Variants in CDS1 observed in about 807,000 individuals in gnomAD.
CDS1 encodes phosphatidate cytidylyltransferase 1.
CDS1 carries 41 observed loss-of-function variants against 62.1 expected under a neutral mutation model. That is an observed-to-expected ratio of 0.66 (90% CI 0.51 to 0.86). The LOEUF is 0.86. Ranked by LOEUF, CDS1 falls within the 40% of genes least tolerant of loss-of-function variation. The pLI, the probability that CDS1 is intolerant of heterozygous loss-of-function variation, is 0.00. For missense variants in CDS1, 470 were observed against 550.1 expected (o/e 0.85, Z 1.46); for synonymous variants, 185 against 192.6 (o/e 0.96, Z 0.32).
Position 84,617,679 on chromosome 4 carries a change from T to C in CDS1, c.440+18T>C, listed in dbSNP as rs1355460566. 1 of 1,187,148 alleles carries C rather than the reference T, an allele frequency of 8.4e-7. No individual in the cohort carries two copies. The highest frequency in any genetic ancestry group is 1.2e-6 in the Non-Finnish European group (1 of 816,638). The allele number at this position is 1,187,148 out of a possible 1,614,324, so 73.5% of individuals were successfully genotyped here. The stretch of plus-strand genomic sequence containing the variant: ...CTAAGTTGGTAAGTAAGCTTGAAAC[T>C]ATTTCAGATATGAAAAGTTAATTTC... On this transcript the variant is annotated intron_variant, in intron 4 of 12. Coordinates refer to ENST00000295887, the MANE Select transcript of CDS1 (RefSeq NM_001263.4).
chr4:84,638,444 G>A (rs891876995), intron 8 of CDS1, among the ~76,000 whole-genome samples: 2 of 152,124 alleles, frequency 1.3e-5, no homozygotes, highest in Non-Finnish European at 2.9e-5. Flanking sequence ...AGGAATATGT[G>A]AAAATTATAT....
intron 1 of CDS1, among the ~76,000 whole-genome samples, chr4:84,586,948 C>T (rs1268047130): frequency 1.3e-5 from 2 of 152,048 alleles, no homozygotes; most frequent in Non-Finnish European, 2.9e-5. Context: ...ATGTTGAAGA[C>T]AATGGGTAGG....
chr4:84,610,013 A>G (rs942276814), intron 3 of CDS1, among the ~76,000 whole-genome samples: 4 of 150,018 alleles, frequency 2.7e-5, no homozygotes, highest in African/African-American at 9.8e-5. Context: ...GACCATCTCA[A>G]AAAAAAAAAA....
rs1723244279 is a variant in CDS1, at chr4:84,609,397, CGTTAAATACTAACTTT to C, written c.246-31_246-16del. On this transcript the variant is annotated splice_polypyrimidine_tract_variant and intron_variant, in intron 2 of 12. Transcript: ENST00000295887. ...AACCACACAAAAAACCTTAAGAACA[CGTTAAATACTAACTTT>C]ACATTTTCTTTGTAGGTGGAAAAAC... is the stretch of plus-strand genomic sequence containing the variant. 7.3e-7 allele frequency: 1 copy of C among 1,366,870 alleles called. No homozygotes were observed. Among genetic ancestry groups the C allele is most frequent in the African/African-American group, 1.4e-5 (1 of 69,844 alleles). The allele number at this position is 1,366,870 out of a possible 1,614,324, so 84.7% of individuals were successfully genotyped here. A position where few individuals can be genotyped will look rare whatever the true frequency, so the allele number is the denominator to read the frequency against.
chr4:84,609,426 T>C lies in CDS1; in HGVS notation c.246-3T>C, dbSNP rs1411518105. The C allele has an allele frequency of 3.8e-6, 6 of 1,582,242 alleles. No homozygotes were observed. The highest frequency in any genetic ancestry group is 5.2e-6 in the Non-Finnish European group (6 of 1,152,304). On this transcript the variant is annotated splice_region_variant and splice_polypyrimidine_tract_variant and intron_variant, in intron 2 of 12. Transcript: ENST00000295887. ...AAATACTAACTTTACATTTTCTTTG[T>C]AGGTGGAAAAACTGGTGGATACGTG...
chr4:84,612,136 C>T (rs1197386706), intron 3 of CDS1, among the ~76,000 whole-genome samples: 12 of 151,222 alleles, frequency 7.9e-5, no homozygotes, highest in Non-Finnish European at 1.8e-4. Context: ...GACCTTTGCT[C>T]ACGGTGCTTC....
chr4:84,587,464 T>C (rs1473967109), intron 1 of CDS1, among the ~76,000 whole-genome samples: 2 of 152,140 alleles, frequency 1.3e-5, no homozygotes, highest in Non-Finnish European at 2.9e-5. Context: ...ATGGGAGTGA[T>C]TTAGGCCTGG....
At position 84,625,924 on chromosome 4, in the gene CDS1, T is replaced by C. The variant is rs1224921242; in HGVS notation, c.581-5895T>C. On this transcript the variant is annotated intron_variant, in intron 5 of 12. Transcript: ENST00000295887. ...GGCTCATGCCTGTAATCCTAGCACT[T>C]TGGGAGGCTGAGGTGGGTGGATCAC... Among the ~76,000 whole-genome samples, 3 of 151,934 alleles carry C rather than the reference T, an allele frequency of 2.0e-5. No individual in the cohort carries two copies. In the East Asian group the frequency reaches 5.8e-4, roughly 29 times the overall value.
intron 1 of CDS1, among the ~76,000 whole-genome samples, chr4:84,598,084 C>CCACT (rs1256768812): frequency 1.3e-5 from 2 of 150,566 alleles, no homozygotes; most frequent in Non-Finnish European, 3.0e-5. Context: ...CGAGATCGTG[C>CCACT]CACTGCACTC....
chr4:84,593,723 C>T (rs541303111), intron 1 of CDS1, among the ~76,000 whole-genome samples: 3 of 152,042 alleles, frequency 2.0e-5, no homozygotes, highest in Non-Finnish European at 2.9e-5. Context: ...AAGCTGGTCT[C>T]GAACTCCTGA....
chr4:84,591,795 G>A (rs1331776145), intron 1 of CDS1, among the ~76,000 whole-genome samples: 1 of 152,240 alleles, frequency 6.6e-6, no homozygotes, highest in South Asian at 2.1e-4. Context: ...GAAATCAGAT[G>A]TGTGGTCCTA....
chr4:84,592,616 T>G (rs1432794797), intron 1 of CDS1, among the ~76,000 whole-genome samples: 2 of 152,212 alleles, frequency 1.3e-5, no homozygotes, highest in Non-Finnish European at 2.9e-5. Flanking sequence ...TTCTCAGAAC[T>G]GTCAAGATTT....
rs775281250 is a variant in CDS1, at chr4:84,583,613, A to G, written c.117+95A>G. The G allele has an allele frequency of 7.4e-6, 5 of 678,848 alleles. No individual in the cohort carries two copies. The South Asian group carries it at 8.1e-5, about 11-fold the overall frequency. 42.1% of individuals were successfully genotyped at this position (678,848 alleles called of 1,614,324 possible). Reference sequence around the variant, plus strand: ...GCAAGGGTGGGGCCCGTCCAGCGTCAGGTGAGGCTGCACGCTGCCGGTGCA... The same window carrying G: ...GCAAGGGTGGGGCCCGTCCAGCGTCGGGTGAGGCTGCACGCTGCCGGTGCA... On this transcript the variant is annotated intron_variant, in intron 1 of 12. Transcript: ENST00000295887.
chr4:84,619,494 C>T lies in CDS1; in HGVS notation c.541C>T (p.Arg181Cys), dbSNP rs759347542. ...QREEQLQFLIRYHRFISFALY... is the reference protein window; with the variant it reads ...QREEQLQFLICYHRFISFALY... ...AGAAGAACAACTTCAGTTCCTCATT[C>T]GCTACCATAGATTTATATCATTTGC... Residue 181 changes from arginine (R) to cysteine (C), a missense_variant, in exon 5 of 13, where the codon CGC becomes TGC. Transcript: ENST00000295887. 25 of 1,603,372 alleles carry T rather than the reference C, an allele frequency of 1.6e-5. No homozygotes were observed. The highest frequency in any genetic ancestry group is 6.7e-5 in the South Asian group (6 of 89,438).
intron 11 of CDS1, among the ~76,000 whole-genome samples, chr4:84,643,597 G>A (rs1724462186): frequency 6.6e-6 from 1 of 152,220 alleles, no homozygotes; most frequent in African/African-American, 2.4e-5. Flanking sequence ...ATTAGGATGT[G>A]CAGACCATAT....
intron 3 of CDS1, among the ~76,000 whole-genome samples, chr4:84,614,149 C>G (rs1723416754): frequency 6.6e-6 from 1 of 152,116 alleles, no homozygotes; most frequent in Non-Finnish European, 1.5e-5. Flanking sequence ...CGGTGGCACA[C>G]ACCTGTAGTC....
chr4:84,593,508 T>TG (rs1028178528), intron 1 of CDS1, among the ~76,000 whole-genome samples: 7 of 150,574 alleles, frequency 4.6e-5, no homozygotes, highest in South Asian at 4.2e-4. Flanking sequence ...TTTTTTTTGT[T>TG]TTTTTTTTCT....
intron 5 of CDS1, among the ~76,000 whole-genome samples, chr4:84,623,861 G>A (rs1029035972): frequency 2.0e-5 from 3 of 152,008 alleles, no homozygotes; most frequent in African/African-American, 4.8e-5. Context: ...ACTGCAGTTC[G>A]TGCCGCTTGC....
chr4:84,587,835 G>T (rs1722466064), intron 1 of CDS1, among the ~76,000 whole-genome samples: 1 of 152,146 alleles, frequency 6.6e-6, no homozygotes, highest in Non-Finnish European at 1.5e-5. Flanking sequence ...CTGTCATGTA[G>T]ATGAAACCTC....
Sources: gnomAD v4.1 joint callset for allele counts (sites outside exome capture counted in the v4.1 genomes callset) on GRCh38, gnomAD v4.1.1 for gene constraint, MANE v1.5 for transcripts, NCBI Gene and HGNC (gene_info 2026-07-23, HGNC 2026-07-21) for gene names.